CAMTA1: variants seen among roughly 807,000 people sequenced by gnomAD.
CAMTA1 encodes the protein calmodulin binding transcription activator 1.
Under a neutral mutation model 170.9 loss-of-function variants are expected in CAMTA1, and 27 were observed. That is an observed-to-expected ratio of 0.16 (90% CI 0.12 to 0.22). CAMTA1 has a LOEUF of 0.22. Ranked by LOEUF, CAMTA1 falls within the 10% of genes least tolerant of loss-of-function variation. CAMTA1 has a pLI of 1.00. For synonymous variants in CAMTA1, 833 were observed against 891.5 expected, an observed-to-expected ratio of 0.93 and a Z score of 1.17; for missense variants, 1,619 against 2,217.2, an observed-to-expected ratio of 0.73 and a Z score of 5.42.
chr1:7,550,134 G>T (rs942610741), intron 6 of CAMTA1, among the ~76,000 whole-genome samples: 2 of 152,042 alleles, frequency 1.3e-5, no homozygotes, highest in African/African-American at 4.8e-5. Flanking sequence ...TGAGGCTAAG[G>T]GTGCCCAGAG....
Position 7,195,143 on chromosome 1 carries a change from G to A in CAMTA1, c.303-54348G>A, listed in dbSNP as rs1265182740. Among the ~76,000 whole-genome samples, 1 of 152,196 alleles carries A rather than the reference G, an allele frequency of 6.6e-6. No homozygotes were observed. Among genetic ancestry groups the A allele is most frequent in the East Asian group, 1.9e-4 (1 of 5,184 alleles). On this transcript the variant is annotated intron_variant, in intron 4 of 22. Coordinates refer to ENST00000303635, the MANE Select transcript of CAMTA1 (RefSeq NM_015215.4). The surrounding 1 kb of genome is among the most constrained non-coding windows in gnomAD (Gnocchi z 4.1). The stretch of plus-strand genomic sequence containing the variant: ...CACCAACTAACCCAGCCCAGCAGCA[G>A]GCGAGGTTTTCTGTCGTCCAGCACG...
intron 4 of CAMTA1, among the ~76,000 whole-genome samples, chr1:7,207,355 A>G (rs1273638822): frequency 3.3e-5 from 5 of 152,372 alleles, no homozygotes; most frequent in Admixed American, 2.6e-4. Flanking sequence ...TGACACTGAC[A>G]GGGAGGTCTG....
At chr1:7,256,794 G>T (rs1451785683) in intron 5 of CAMTA1, among the ~76,000 whole-genome samples, 2 of 152,112 alleles carry the variant, frequency 1.3e-5, no homozygotes, top group African/African-American at 4.8e-5. Flanking sequence ...GTCTGGTGAG[G>T]GCCTGTTTCC....
chr1:7,449,570 C>T (rs2092764201), intron 5 of CAMTA1, among the ~76,000 whole-genome samples: 1 of 152,006 alleles, frequency 6.6e-6, no homozygotes, highest in South Asian at 2.1e-4. Context: ...AGGAGTTCAA[C>T]ACCAGCCTGG....
chr1:7,011,565 C>G (rs182488822), intron 3 of CAMTA1, among the ~76,000 whole-genome samples: 21 of 152,336 alleles, frequency 1.4e-4, no homozygotes, highest in Admixed American at 1.2e-3. Flanking sequence ...CCAGACCCAG[C>G]TCTGGCATCA....
At position 7,320,653 on chromosome 1, in the gene CAMTA1, T is replaced by G. The variant is rs200461368; in HGVS notation, c.438+71027T>G. On this transcript the variant is annotated intron_variant, in intron 5 of 22. Transcript: ENST00000303635. The stretch of plus-strand genomic sequence containing the variant: ...CCCCTGGGCTGTGCTGTGTGTGTTT[T>G]TTTTTTTTTTTTTTTTTTTTTGCTA... 1.6e-3 allele frequency among the ~76,000 whole-genome samples: 199 copies of G among 125,362 alleles called. 4 individuals are homozygous for G. In the East Asian group the frequency reaches 0.04, roughly 25 times the overall value. 82.2% of individuals were successfully genotyped at this position (125,362 alleles called of 152,430 possible).
In CAMTA1 at chr1:7,534,729, G is replaced by C. The variant is rs575985593; in HGVS notation, c.510+66828G>C. ...TCACTCCTCCTTCCTAAGACCACAG[G>C]GGGCAGAGTTGGGGCCTGGGGGGCT... On this transcript the variant is annotated intron_variant, in intron 6 of 22. Coordinates refer to ENST00000303635, the MANE Select transcript of CAMTA1 (RefSeq NM_015215.4). The surrounding 1 kb of genome is among the most constrained non-coding windows in gnomAD (Gnocchi z 5.6). Among the ~76,000 whole-genome samples the C allele has an allele frequency of 6.6e-6, 1 of 152,282 alleles. No homozygotes were observed. The highest frequency in any genetic ancestry group is 2.1e-4 in the South Asian group (1 of 4,818).
At chr1:7,366,600 A>G (rs1574947001) in intron 5 of CAMTA1, among the ~76,000 whole-genome samples, 1 of 152,260 alleles carries the variant, frequency 6.6e-6, no homozygotes, top group East Asian at 1.9e-4. Context: ...AGAGCTAATG[A>G]TAACATTGAG....
At chr1:7,608,245 C>T (rs924544112) in intron 6 of CAMTA1, among the ~76,000 whole-genome samples, 1 of 152,208 alleles carries the variant, frequency 6.6e-6, no homozygotes, top group African/African-American at 2.4e-5. Flanking sequence ...GGACAGGAAG[C>T]ATGTGACAGT....
At position 7,547,312 on chromosome 1, in the gene CAMTA1, C is replaced by G. The variant is rs1427146774; in HGVS notation, c.510+79411C>G. 6.6e-6 allele frequency among the ~76,000 whole-genome samples: 1 copy of G among 151,758 alleles called. No homozygotes were observed. Among genetic ancestry groups the G allele is most frequent in the African/African-American group, 2.4e-5 (1 of 41,256 alleles). ...GTATGCTCACTGCTCCCAGGCCTCT[C>G]TCAGTAGATAGAGCTGGGGAATATA... On this transcript the variant is annotated intron_variant, in intron 6 of 22. Transcript: ENST00000303635. The surrounding 1 kb of genome is among the most constrained non-coding windows in gnomAD (Gnocchi z 5.7).
chr1:6,787,470 A>G (rs1233526458), intron 1 of CAMTA1, among the ~76,000 whole-genome samples: 1 of 152,248 alleles, frequency 6.6e-6, no homozygotes, highest in Non-Finnish European at 1.5e-5. Context: ...ATTTGTTTAC[A>G]TATACATACA....
At chr1:7,464,892 A>T (rs1392715376) in intron 5 of CAMTA1, among the ~76,000 whole-genome samples, 4 of 151,222 alleles carry the variant, frequency 2.6e-5, no homozygotes. Context: ...CACATCTCCC[A>T]CCCCAGGCAG....
At chr1:7,066,665 ATTTGTCTG>A (rs1357819861) in intron 3 of CAMTA1, among the ~76,000 whole-genome samples, 2 of 152,190 alleles carry the variant, frequency 1.3e-5, no homozygotes, top group Non-Finnish European at 2.9e-5. Flanking sequence ...TTAAATGTCC[ATTTGTCTG>A]TTAAGTAAAC....
At chr1:7,163,517 G>A (rs938895060) in intron 4 of CAMTA1, among the ~76,000 whole-genome samples, 5 of 152,172 alleles carry the variant, frequency 3.3e-5, no homozygotes, top group Non-Finnish European at 7.4e-5. Flanking sequence ...GAATGGCACC[G>A]GCTTCCAGGG....
Position 7,171,748 on chromosome 1 carries a change from C to T in CAMTA1, c.303-77743C>T, listed in dbSNP as rs76337246. Among the ~76,000 whole-genome samples, 1,241 of 152,326 alleles carry T rather than the reference C, an allele frequency of 8.1e-3. 14 individuals are homozygous for T. Among genetic ancestry groups the T allele is most frequent in the African/African-American group, 0.028 (1,153 of 41,562 alleles). ...TTCCCAAAGTGAAAGCCTGTACCCA[C>T]GGCTCAGGCAGTCCCTCCCTGGTCC... On this transcript the variant is annotated intron_variant, in intron 4 of 22. Transcript: ENST00000303635.
At chr1:7,003,486 T>G (rs1413451558) in intron 3 of CAMTA1, among the ~76,000 whole-genome samples, 1 of 152,178 alleles carries the variant, frequency 6.6e-6, no homozygotes, top group Non-Finnish European at 1.5e-5. Flanking sequence ...TAGTAGATGG[T>G]CCACGTGAGA....
chr1:7,279,328 A>G (rs1671176573), intron 5 of CAMTA1, among the ~76,000 whole-genome samples: 1 of 152,174 alleles, frequency 6.6e-6, no homozygotes, highest in Non-Finnish European at 1.5e-5. Flanking sequence ...TGGTTAAAAT[A>G]GGTGGTCCCA....
At chr1:7,308,412 T>C (rs1675929726) in intron 5 of CAMTA1, among the ~76,000 whole-genome samples, 1 of 152,080 alleles carries the variant, frequency 6.6e-6, no homozygotes, top group African/African-American at 2.4e-5. Flanking sequence ...TTTGCTGTTA[T>C]TTTTCTAGTT....
intron 4 of CAMTA1, among the ~76,000 whole-genome samples, chr1:7,215,778 CAGT>C (rs1346911530): frequency 6.6e-6 from 1 of 152,106 alleles, no homozygotes; most frequent in Non-Finnish European, 1.5e-5. Flanking sequence ...CATTATTTTC[CAGT>C]TTTATTAGAC....
Sources: gnomAD v4.1 joint callset for allele counts (sites outside exome capture counted in the v4.1 genomes callset) on GRCh38, gnomAD v4.1.1 for gene constraint, Gnocchi (gnomAD v3.1) non-coding constraint, MANE v1.5 for transcripts, NCBI Gene and HGNC (gene_info 2026-07-23, HGNC 2026-07-21) for gene names.